Variants in LRFN5 observed in about 807,000 individuals in gnomAD.
The protein encoded by LRFN5 is leucine-rich repeat and fibronectin type-III domain-containing protein 5.
A neutral mutation model predicts 45.6 loss-of-function variants in LRFN5; 24 were observed. The observed-to-expected ratio is 0.53, with a 90% CI of 0.38 to 0.74. The LOEUF (loss-of-function observed/expected upper bound fraction) is 0.74. Among genes scored for constraint, LRFN5 ranks in the 30% least tolerant of loss-of-function variants. The probability of loss-of-function intolerance (pLI) is 0.00; values close to 1 mark genes in which losing one functional copy is unlikely to be tolerated. For synonymous variants in LRFN5, 340 were observed against 313.8 expected, an observed-to-expected ratio of 1.08 and a Z score of -0.88; for missense variants, 776 against 861.5, an observed-to-expected ratio of 0.90 and a Z score of 1.24.
chr14:41,858,732 C>T (rs905601035), intron 2 of LRFN5, among the ~76,000 whole-genome samples: 1 of 152,152 alleles, frequency 6.6e-6, no homozygotes, highest in Non-Finnish European at 1.5e-5. Flanking sequence ...CATGGTTTTA[C>T]TCATTCCAGT....
At chr14:41,625,336 A>C (rs1036462776) in intron 1 of LRFN5, among the ~76,000 whole-genome samples, 1 of 152,092 alleles carries the variant, frequency 6.6e-6, no homozygotes, top group African/African-American at 2.4e-5. Context: ...GTGAGTTCTC[A>C]TGAGACCCAT....
chr14:41,676,625 A>G (rs914290305), intron 1 of LRFN5, among the ~76,000 whole-genome samples: 9 of 152,196 alleles, frequency 5.9e-5, no homozygotes, highest in Non-Finnish European at 1.3e-4. Flanking sequence ...TGTTGTTCAT[A>G]TGTTCTAGGC....
rs1198708299 is a variant in LRFN5, at chr14:41,887,635, A to G, written c.1010A>G (p.Tyr337Cys). Residue 337 changes from tyrosine (Y) to cysteine (C), a missense_variant, in exon 3 of 6, where the codon TAT (tyrosine) becomes TGT (cysteine). Transcript: ENST00000298119. This position sits in a 1 kb window ranked among gnomAD's most constrained non-coding sequence, Gnocchi z 4.8. Reference sequence around the variant, plus strand: ...TCAAATGCAACAAGATCTCTGGTGTATGATAACGGAACACTTGACATTCTT... The same window carrying G: ...TCAAATGCAACAAGATCTCTGGTGTGTGATAACGGAACACTTGACATTCTT... ...LISNATRSLV[Y>C]DNGTLDILIT... 4 of 1,614,210 alleles carry G rather than the reference A, an allele frequency of 2.5e-6. No individual in the cohort carries two copies. The highest frequency in any genetic ancestry group is 1.3e-5 in the African/African-American group (1 of 75,054).
At chr14:41,629,031 A>G (rs1254551736) in intron 1 of LRFN5, among the ~76,000 whole-genome samples, 1 of 152,192 alleles carries the variant, frequency 6.6e-6, no homozygotes, top group Non-Finnish European at 1.5e-5. Context: ...CTGCTTTTAA[A>G]AAGTAGATAT....
intron 1 of LRFN5, among the ~76,000 whole-genome samples, chr14:41,663,748 C>T (rs531480231): frequency 6.6e-6 from 1 of 151,876 alleles, no homozygotes; most frequent in East Asian, 1.9e-4. Context: ...CACTCTGCAA[C>T]CTGGTCTCAC....
At chr14:41,813,097 G>C (rs1357599002) in intron 2 of LRFN5, among the ~76,000 whole-genome samples, 1 of 151,878 alleles carries the variant, frequency 6.6e-6, no homozygotes, top group African/African-American at 2.4e-5. Flanking sequence ...GAGATAATTT[G>C]AAGATGACTG....
At chr14:41,869,700 T>A (rs1889954492) in intron 2 of LRFN5, among the ~76,000 whole-genome samples, 1 of 152,028 alleles carries the variant, frequency 6.6e-6, no homozygotes, top group East Asian at 1.9e-4. Context: ...AGGCACATCT[T>A]ACATGGTGGC....
At chr14:41,734,622 C>T (rs1884346283) in intron 1 of LRFN5, among the ~76,000 whole-genome samples, 1 of 150,776 alleles carries the variant, frequency 6.6e-6, no homozygotes, top group Non-Finnish European at 1.5e-5. Flanking sequence ...CACTCAGCCT[C>T]TTTATGTCTT....
chr14:41,685,773 G>C (rs985829232), intron 1 of LRFN5, among the ~76,000 whole-genome samples: 9 of 152,236 alleles, frequency 5.9e-5, no homozygotes, highest in African/African-American at 2.2e-4. Context: ...TCAGATGGTT[G>C]TAGATGTGTG....
intron 2 of LRFN5, among the ~76,000 whole-genome samples, chr14:41,769,928 A>C (rs1197449456): frequency 2.0e-5 from 3 of 152,166 alleles, no homozygotes; most frequent in Non-Finnish European, 2.9e-5. Context: ...GGAAATACCC[A>C]AGGCTAGGTA....
chr14:41,822,314 C>T (rs992406744), intron 2 of LRFN5, among the ~76,000 whole-genome samples: 2 of 151,842 alleles, frequency 1.3e-5, no homozygotes, highest in African/African-American at 4.8e-5. Flanking sequence ...ACTCTTAGCA[C>T]TGTTTTTGCC....
chr14:41,737,477 A>G (rs1328505566), intron 1 of LRFN5, among the ~76,000 whole-genome samples: 3 of 152,150 alleles, frequency 2.0e-5, no homozygotes, highest in African/African-American at 7.2e-5. Context: ...CTCCTATTCA[A>G]CATAGTATTG....
intron 2 of LRFN5, among the ~76,000 whole-genome samples, chr14:41,815,487 C>A (rs1457923456): frequency 6.6e-6 from 1 of 152,050 alleles, no homozygotes; most frequent in Non-Finnish European, 1.5e-5. Context: ...TCTATAATCA[C>A]AGTGCTTTGG....
intron 4 of LRFN5, chr14:41,894,210 A>C (rs1316428350): frequency 5.1e-6 from 5 of 985,272 alleles, no homozygotes; most frequent in Non-Finnish European, 6.0e-6. Context: ...ATCATGCAAC[A>C]TTAGCAAGGT....
At chr14:41,703,423 G>A (rs1438538630) in intron 1 of LRFN5, among the ~76,000 whole-genome samples, 2 of 151,988 alleles carry the variant, frequency 1.3e-5, no homozygotes, top group African/African-American at 4.8e-5. Context: ...TTGTCAGCTT[G>A]TAAAAAACTG....
At chr14:41,890,112 C>T (rs933351220) in intron 3 of LRFN5, among the ~76,000 whole-genome samples, 3 of 152,068 alleles carry the variant, frequency 2.0e-5, no homozygotes, top group Admixed American at 6.5e-5. Context: ...GATCCACCTG[C>T]CTTGGCCTCC....
chr14:41,874,633 G>A (rs1011711436), intron 2 of LRFN5, among the ~76,000 whole-genome samples: 1 of 151,908 alleles, frequency 6.6e-6, no homozygotes, highest in Non-Finnish European at 1.5e-5. Context: ...TTGTTTTATT[G>A]TACCTACAAA....
chr14:41,833,010 A>G (rs930343103), intron 2 of LRFN5, among the ~76,000 whole-genome samples: 3 of 152,172 alleles, frequency 2.0e-5, no homozygotes, highest in African/African-American at 7.2e-5. Context: ...ATGGTCCTAT[A>G]TATTCAACCT....
chr14:41,660,091 T>A (rs1191263783), intron 1 of LRFN5, among the ~76,000 whole-genome samples: 1 of 152,102 alleles, frequency 6.6e-6, no homozygotes, highest in Non-Finnish European at 1.5e-5. Context: ...AATGGCATGA[T>A]CTTGGCTCGC....
Sources: allele counts gnomAD v4.1 joint callset (sites outside exome capture counted in the v4.1 genomes callset), GRCh38; gene constraint gnomAD v4.1.1; non-coding constraint Gnocchi (gnomAD v3.1); transcripts MANE v1.5; gene names NCBI Gene and HGNC (gene_info 2026-07-23, HGNC 2026-07-21).